The following CDH18 variants were observed in gnomAD, a reference collection of about 807,000 sequenced individuals.
CDH18 encodes the protein cadherin-18.
A neutral mutation model predicts 67.9 loss-of-function variants in CDH18; 31 were observed. The observed-to-expected ratio is 0.46, with a 90% CI of 0.34 to 0.62. CDH18 has a LOEUF of 0.62. Ranked by LOEUF, CDH18 falls within the 20% of genes least tolerant of loss-of-function variation. The probability of loss-of-function intolerance (pLI) is 0.01; values close to 1 mark genes in which losing one functional copy is unlikely to be tolerated. For missense variants in CDH18, 890 were observed against 975.5 expected, an observed-to-expected ratio of 0.91 and a Z score of 1.17; for synonymous variants, 362 against 347.2, an observed-to-expected ratio of 1.04 and a Z score of -0.48.
intron 5 of CDH18, among the ~76,000 whole-genome samples, chr5:19,638,319 A>C (rs1435882844): frequency 6.6e-6 from 1 of 152,202 alleles, no homozygotes; most frequent in Non-Finnish European, 1.5e-5. Flanking sequence ...CAGACATTTT[A>C]AAATCTGCAC....
chr5:20,574,052 T>C (rs940145075), intron 1 of CDH18, among the ~76,000 whole-genome samples: 1 of 150,934 alleles, frequency 6.6e-6, no homozygotes, highest in Non-Finnish European at 1.5e-5. Context: ...CCAACTGTAC[T>C]TTCCAAAATT....
intron 2 of CDH18, among the ~76,000 whole-genome samples, chr5:20,172,242 A>ATATATATATATATGTGTG (rs1736888454): frequency 1.2e-4 from 7 of 56,698 alleles, no homozygotes; most frequent in Admixed American, 4.5e-4. Context: ...ATATATATGT[A>ATATATATATATATGTGTG]TATATATATA....
chr5:19,597,308 T>C (rs1315727698), intron 6 of CDH18, among the ~76,000 whole-genome samples: 2 of 152,200 alleles, frequency 1.3e-5, no homozygotes, highest in Admixed American at 6.5e-5. Flanking sequence ...ATCTAAACCA[T>C]AGCTAGATTC....
intron 2 of CDH18, among the ~76,000 whole-genome samples, chr5:20,162,124 A>C (rs1297540505): frequency 6.6e-6 from 1 of 152,084 alleles, no homozygotes; most frequent in Non-Finnish European, 1.5e-5. Context: ...CAGTCCCAGA[A>C]ATACATAAAA....
At chr5:19,858,657 G>T (rs1784546534) in intron 2 of CDH18, among the ~76,000 whole-genome samples, 1 of 152,116 alleles carries the variant, frequency 6.6e-6, no homozygotes, top group South Asian at 2.1e-4. Flanking sequence ...AAATTAATTG[G>T]TCCTGTTTTA....
chr5:20,493,087 G>T (rs1028184177), intron 1 of CDH18, among the ~76,000 whole-genome samples: 2 of 151,978 alleles, frequency 1.3e-5, no homozygotes, highest in African/African-American at 4.8e-5. Flanking sequence ...TGTGGCTCAT[G>T]CCTGTAATCC....
Position 19,621,216 on chromosome 5 carries a change from G to GTTTT in CDH18, c.644-8619_644-8616dup, listed in dbSNP as rs3062881. ...TGGTTTAGCCTAAACAAGAACCCAG[G>GTTTT]TTTTTTTTTTTTTTTTGGATGTAGA... is the stretch of plus-strand genomic sequence containing the variant. On this transcript the variant is annotated intron_variant, in intron 5 of 12. Coordinates refer to ENST00000382275, the MANE Select transcript of CDH18 (RefSeq NM_004934.5). Among the ~76,000 whole-genome samples the GTTTT allele has an allele frequency of 3.5e-3, 486 of 140,418 alleles. 4 individuals are homozygous for GTTTT. The highest frequency in any genetic ancestry group is 0.018 in the Middle Eastern group (5 of 274). 92.1% of individuals were successfully genotyped at this position (140,418 alleles called of 152,430 possible).
At chr5:20,237,626 T>C (rs4493676) in intron 2 of CDH18, among the ~76,000 whole-genome samples, 107,704 of 151,676 alleles carry the variant, frequency 0.71, 39,091 homozygotes, top group African/African-American at 0.88. Context: ...ATCTGTACTA[T>C]AAAAACTATA....
At chr5:20,557,226 A>G (rs1408832332) in intron 1 of CDH18, among the ~76,000 whole-genome samples, 5 of 152,134 alleles carry the variant, frequency 3.3e-5, no homozygotes, top group African/African-American at 1.2e-4. Flanking sequence ...TCAAAATAGT[A>G]TAGAGTTCAG....
intron 1 of CDH18, among the ~76,000 whole-genome samples, chr5:20,473,774 T>G (rs1176568668): frequency 6.6e-6 from 1 of 152,186 alleles, no homozygotes; most frequent in Non-Finnish European, 1.5e-5. Context: ...GTTATTGTTG[T>G]GGTTGCCAAT....
intron 1 of CDH18, among the ~76,000 whole-genome samples, chr5:20,314,938 A>G (rs576145573): frequency 1.4e-4 from 22 of 152,218 alleles, no homozygotes; most frequent in African/African-American, 5.1e-4. Context: ...TCACAATCAA[A>G]TGTGAAGTAT....
chr5:19,804,280 G>C (rs1446799123), intron 3 of CDH18, among the ~76,000 whole-genome samples: 2 of 150,730 alleles, frequency 1.3e-5, no homozygotes, highest in Non-Finnish European at 3.0e-5. Flanking sequence ...CCAGCCTGGG[G>C]GACAGAGCGA....
chr5:19,817,884 G>C (rs1297559767), intron 3 of CDH18, among the ~76,000 whole-genome samples: 1 of 152,038 alleles, frequency 6.6e-6, no homozygotes, highest in Non-Finnish European at 1.5e-5. Context: ...TGCCATTATG[G>C]CATGAAATTA....
At chr5:20,474,683 A>T (rs1752315415) in intron 1 of CDH18, among the ~76,000 whole-genome samples, 1 of 152,220 alleles carries the variant, frequency 6.6e-6, no homozygotes, top group Admixed American at 6.5e-5. Context: ...TGAGAAAGGA[A>T]GTCCTAGAAG....
At chr5:19,713,526 G>T (rs918611111) in intron 5 of CDH18, among the ~76,000 whole-genome samples, 9 of 152,012 alleles carry the variant, frequency 5.9e-5, no homozygotes, top group African/African-American at 2.2e-4. Flanking sequence ...ATCTATAATT[G>T]CATTTTGTTA....
intron 5 of CDH18, among the ~76,000 whole-genome samples, chr5:19,613,836 A>G (rs1170631199): frequency 6.6e-6 from 1 of 152,114 alleles, no homozygotes; most frequent in African/African-American, 2.4e-5. Flanking sequence ...CTGTATATCT[A>G]TGTGTATATA....
intron 2 of CDH18, among the ~76,000 whole-genome samples, chr5:19,940,702 TCTC>T (rs1417766877): frequency 6.6e-6 from 1 of 151,998 alleles, no homozygotes; most frequent in Non-Finnish European, 1.5e-5. Context: ...GTCAATGTCA[TCTC>T]CTCAGAGAAG....
chr5:19,593,633 TTC>T (rs1745558306), intron 6 of CDH18, among the ~76,000 whole-genome samples: 1 of 129,794 alleles, frequency 7.7e-6, no homozygotes, highest in Non-Finnish European at 1.6e-5. Context: ...TTCCTCCTCC[TTC>T]TCCTCCTTCA....
In CDH18 at chr5:20,241,574, G is replaced by A. The variant is rs946184382; in HGVS notation, c.-518+13870C>T. Among the ~76,000 whole-genome samples the A allele has an allele frequency of 1.1e-4, 16 of 152,166 alleles. No individual in the cohort carries two copies. The East Asian group carries it at 1.7e-3, about 17-fold the overall frequency. On this transcript the variant is annotated intron_variant, in intron 2 of 14. Coordinates refer to the CDH18 transcript ENST00000507958. Reference sequence around the variant, plus strand: ...ATGTATTAAGATATAGAAATCGGCCGGGTGGGGTGGCTCATGCCTGTAATT... The same window carrying A: ...ATGTATTAAGATATAGAAATCGGCCAGGTGGGGTGGCTCATGCCTGTAATT...
Sources: allele counts gnomAD v4.1 joint callset (sites outside exome capture counted in the v4.1 genomes callset), GRCh38; gene constraint gnomAD v4.1.1; transcripts MANE v1.5; gene names NCBI Gene and HGNC (gene_info 2026-07-23, HGNC 2026-07-21).